Variants in NSMCE2 observed in about 807,000 individuals in gnomAD.
The protein encoded by NSMCE2 is NSE2 SUMO ligase component of SMC5/6 complex, also known as E3 SUMO-protein ligase NSE2.
Under a neutral mutation model 23.8 loss-of-function variants are expected in NSMCE2, and 24 were observed. The ratio of observed to expected loss-of-function variants is 1.01; its 90% confidence interval spans 0.73 to 1.42. NSMCE2 has a LOEUF of 1.42. Among genes scored for constraint, NSMCE2 ranks in the 40% most tolerant of loss-of-function variants. The pLI is 0.00. For missense variants in NSMCE2, 284 were observed against 296.5 expected (o/e 0.96, Z 0.31); for synonymous variants, 92 against 94.1 (o/e 0.98, Z 0.13).
At chr8:125,312,978 AT>A (rs1829027116) in intron 5 of NSMCE2, among the ~76,000 whole-genome samples, 1 of 152,132 alleles carries the variant, frequency 6.6e-6, no homozygotes, top group African/African-American at 2.4e-5. Context: ...GCTAGAGTGA[AT>A]TTGATGATCA....
rs1830304781 is a variant in NSMCE2, at chr8:125,343,069, G to A, written c.419-14150G>A. On this transcript the variant is annotated intron_variant, in intron 5 of 7. Coordinates refer to ENST00000287437, the MANE Select transcript of NSMCE2 (RefSeq NM_173685.4). ...TCTTGATACTCTCTATCAAATGCAT[G>A]TAAAAAGGAAAAACAAGCATGTTTC... is the stretch of plus-strand genomic sequence containing the variant. Among the ~76,000 whole-genome samples, 2 of 152,128 alleles carry A rather than the reference G, an allele frequency of 1.3e-5. 1 individual carries two copies. The highest frequency in any genetic ancestry group is 1.3e-4 in the Admixed American group (2 of 15,274).
intron 5 of NSMCE2, among the ~76,000 whole-genome samples, chr8:125,278,879 T>G (rs1827580138): frequency 6.6e-6 from 1 of 152,102 alleles, no homozygotes; most frequent in Non-Finnish European, 1.5e-5. Flanking sequence ...CTTCCTATTA[T>G]CTAGCCAGGA....
intron 3 of NSMCE2, among the ~76,000 whole-genome samples, chr8:125,110,762 G>GTTTTTTTTTTTTT (rs1017002301): frequency 2.4e-5 from 1 of 41,826 alleles, no homozygotes; most frequent in African/African-American, 1.1e-4. Flanking sequence ...GGTTGTTGTT[G>GTTTTTTTTTTTTT]TTTTTTTTTT....
chr8:125,328,525 G>T (rs1829759990), intron 5 of NSMCE2, among the ~76,000 whole-genome samples: 1 of 152,142 alleles, frequency 6.6e-6, no homozygotes, highest in Admixed American at 6.5e-5. Context: ...GGACACCAAG[G>T]CCTGCTGGTT....
chr8:125,173,400 A>G (rs1822320570), intron 4 of NSMCE2, among the ~76,000 whole-genome samples: 1 of 152,166 alleles, frequency 6.6e-6, no homozygotes, highest in Non-Finnish European at 1.5e-5. Context: ...CTGTGGGAGA[A>G]ACAATGTTTT....
intron 5 of NSMCE2, among the ~76,000 whole-genome samples, chr8:125,341,897 G>GA (rs61204647): frequency 1.8e-3 from 151 of 83,196 alleles, no homozygotes; most frequent in South Asian, 6.4e-3. Flanking sequence ...TCTAGAAATG[G>GA]AAAAAAAAAA....
chr8:125,221,780 GTTTTGACTGCA>G (rs1194085088), intron 5 of NSMCE2, among the ~76,000 whole-genome samples: 1 of 152,192 alleles, frequency 6.6e-6, no homozygotes, highest in Non-Finnish European at 1.5e-5. Context: ...ATGAAACAAA[GTTTTGACTGCA>G]TTTTGACTGC....
chr8:125,232,032 C>G (rs560621774), intron 5 of NSMCE2, among the ~76,000 whole-genome samples: 1 of 152,304 alleles, frequency 6.6e-6, no homozygotes, highest in Admixed American at 6.5e-5. Context: ...CTGTATCTCA[C>G]AGTATCATCT....
At chr8:125,260,109 A>G (rs1008619018) in intron 5 of NSMCE2, among the ~76,000 whole-genome samples, 26 of 152,206 alleles carry the variant, frequency 1.7e-4, no homozygotes, top group Non-Finnish European at 2.6e-4. Context: ...GGCCACAGTC[A>G]GTGTCGAAGC....
chr8:125,194,367 C>T (rs867017457), intron 5 of NSMCE2, among the ~76,000 whole-genome samples: 8 of 152,084 alleles, frequency 5.3e-5, no homozygotes, highest in Admixed American at 3.3e-4. Flanking sequence ...TTTTGAGTGG[C>T]TTCTTTCACT....
At chr8:125,096,356 G>A (rs1295480288) in intron 1 of NSMCE2, among the ~76,000 whole-genome samples, 1 of 152,146 alleles carries the variant, frequency 6.6e-6, no homozygotes, top group East Asian at 1.9e-4. Context: ...CAAGTGTTTT[G>A]TCCTTACCTG....
chr8:125,124,625 T>C (rs1819426304), intron 3 of NSMCE2, among the ~76,000 whole-genome samples: 1 of 151,498 alleles, frequency 6.6e-6, no homozygotes, highest in Admixed American at 6.6e-5. Context: ...GACTATAGGC[T>C]TGCACCACCA....
chr8:125,182,561 T>C, intron 5 of NSMCE2: 1 of 454,318 alleles, frequency 2.2e-6, no homozygotes, highest in Non-Finnish European at 3.8e-6. Context: ...GAAAACTATT[T>C]TATTTAAATA....
At chr8:125,105,970 G>T in intron 3 of NSMCE2, among the ~76,000 whole-genome samples, 1 of 151,840 alleles carries the variant, frequency 6.6e-6, no homozygotes, top group Non-Finnish European at 1.5e-5. Context: ...AAACAACTTA[G>T]ACAGACACAG....
At chr8:125,363,782 C>T (rs1813669570) in intron 7 of NSMCE2, among the ~76,000 whole-genome samples, 1 of 152,110 alleles carries the variant, frequency 6.6e-6, no homozygotes, top group African/African-American at 2.4e-5. Context: ...GATTTTTAAA[C>T]TAGTGTAAAA....
intron 3 of NSMCE2, among the ~76,000 whole-genome samples, chr8:125,108,132 G>A (rs1375442312): frequency 6.6e-6 from 1 of 152,106 alleles, no homozygotes; most frequent in Non-Finnish European, 1.5e-5. Flanking sequence ...TTTGACCCAC[G>A]GACCCCCTGA....
rs376378855 is a variant in NSMCE2 at position 125,221,559 on chromosome 8, A to G, written c.418+39303A>G. On this transcript the variant is annotated intron_variant, in intron 5 of 7. Coordinates refer to ENST00000287437, the MANE Select transcript of NSMCE2 (RefSeq NM_173685.4). ...GTGCCCAGCCAGATGTGTCTTATCC[A>G]TAGACATATTATAGGTTGCGTATCA... 1.2e-4 allele frequency among the ~76,000 whole-genome samples: 19 copies of G among 152,324 alleles called. No individual in the cohort carries two copies. The East Asian group carries it at 2.5e-3, about 20-fold the overall frequency.
chr8:125,361,439 G>A (rs1475211655), intron 7 of NSMCE2, among the ~76,000 whole-genome samples: 1 of 152,170 alleles, frequency 6.6e-6, no homozygotes, highest in Non-Finnish European at 1.5e-5. Context: ...AGAGCATGTA[G>A]AATAAAATGA....
At chr8:125,352,457 CAA>C (rs1012572394) in intron 5 of NSMCE2, among the ~76,000 whole-genome samples, 7 of 130,940 alleles carry the variant, frequency 5.3e-5, no homozygotes, top group Admixed American at 8.3e-5. Flanking sequence ...GCCTGGGCGA[CAA>C]GAGTGAAAAT....
Sources: allele counts gnomAD v4.1 joint callset (sites outside exome capture counted in the v4.1 genomes callset), GRCh38; gene constraint gnomAD v4.1.1; transcripts MANE v1.5; gene names NCBI Gene and HGNC (gene_info 2026-07-23, HGNC 2026-07-21).